Variants in DNAJB6 observed in about 807,000 individuals in gnomAD.
DNAJB6 encodes DnaJ heat shock protein family (Hsp40) member B6.
A neutral mutation model predicts 42.7 loss-of-function variants in DNAJB6; 16 were observed. That is an observed-to-expected ratio of 0.37 (90% confidence interval 0.25 to 0.57). The LOEUF (loss-of-function observed/expected upper bound fraction) is 0.57. DNAJB6 is among the 20% of genes least tolerant of loss of function. DNAJB6 has a pLI of 0.74. For synonymous variants in DNAJB6, 170 were observed against 163.5 expected (o/e 1.04, Z -0.30); for missense variants, 347 against 416.8 (o/e 0.83, Z 1.46).
chr7:157,382,739 A>G (rs2117078292), intron 6 of DNAJB6: 1 of 159,098 alleles, frequency 6.3e-6, no homozygotes, highest in South Asian at 1.8e-4. Flanking sequence ...TTAAAACAAA[A>G]GTGCACAAAT....
chr7:157,386,414 C>A, intron 8 of DNAJB6: 1 of 550,926 alleles, frequency 1.8e-6, no homozygotes, highest in Non-Finnish European at 2.3e-6. Context: ...GATGCCGCAC[C>A]TCAGTTACAT....
At chr7:157,370,104 C>T (rs1407116637) in intron 5 of DNAJB6, among the ~76,000 whole-genome samples, 1 of 148,264 alleles carries the variant, frequency 6.7e-6, no homozygotes, top group Non-Finnish European at 1.5e-5. Context: ...ATTAAACAGG[C>T]CCCTTCTTAA....
rs914766726 is a variant in DNAJB6 at position 157,337,133 on chromosome 7, C to G, written c.-38C>G. 27 of 152,710 alleles carry G rather than the reference C, an allele frequency of 1.8e-4. No homozygotes were observed. The highest frequency in any genetic ancestry group is 6.0e-4 in the African/African-American group (25 of 41,588). The allele number at this position is 152,710 out of a possible 1,614,324, so 9.5% of individuals were successfully genotyped here. On this transcript the variant is annotated 5_prime_UTR_variant, in exon 1 of 10. Coordinates refer to ENST00000262177, the MANE Select transcript of DNAJB6 (RefSeq NM_058246.4). Reference sequence around the variant, plus strand: ...CTCCCCTGCGTCCCGCCACCGGCCGCTTCTGTCCTCGGTGAGGGTCTGTTC... The same window carrying G: ...CTCCCCTGCGTCCCGCCACCGGCCGGTTCTGTCCTCGGTGAGGGTCTGTTC...
chr7:157,354,173 G>A (rs533322308), intron 1 of DNAJB6, among the ~76,000 whole-genome samples: 2 of 152,074 alleles, frequency 1.3e-5, no homozygotes, highest in Admixed American at 6.6e-5. Flanking sequence ...TTGAGATGGA[G>A]TTTTGTTCTT....
intron 5 of DNAJB6, among the ~76,000 whole-genome samples, chr7:157,368,427 G>T (rs1323894389): frequency 6.6e-6 from 1 of 152,182 alleles, no homozygotes; most frequent in Non-Finnish European, 1.5e-5. Flanking sequence ...TGTGTGTGAG[G>T]ACTGTTGTTG....
intron 9 of DNAJB6, chr7:157,412,567 T>TC (rs931911875): frequency 6.6e-6 from 1 of 152,224 alleles, no homozygotes; most frequent in African/African-American, 2.4e-5. Flanking sequence ...GGTCTCGCTT[T>TC]CCCCGAAGCC....
intron 5 of DNAJB6, among the ~76,000 whole-genome samples, chr7:157,376,304 TTAGA>T (rs1225501153): frequency 1.3e-5 from 2 of 152,236 alleles, no homozygotes; most frequent in African/African-American, 2.4e-5. Context: ...TGACTGTTCT[TTAGA>T]TAGTCAGTTT....
chr7:157,344,684 G>A (rs1584876295), intron 1 of DNAJB6, among the ~76,000 whole-genome samples: 1 of 152,090 alleles, frequency 6.6e-6, no homozygotes, highest in African/African-American at 2.4e-5. Flanking sequence ...GTGCGTTCAC[G>A]TCTCACTAGC....
In DNAJB6 at chr7:157,367,390, A is replaced by G. The variant is rs1554458350; in HGVS notation, c.253A>G (p.Ser85Gly). 6.2e-7 allele frequency: 1 copy of G among 1,611,424 alleles called. No individual in the cohort carries two copies. Among genetic ancestry groups the G allele is most frequent in the Non-Finnish European group, 8.5e-7 (1 of 1,177,490 alleles). The change falls in exon 5 of 10, where the codon AGT (serine) becomes GGT (glycine). Residue 85 changes from serine to glycine, a missense_variant. Physicochemically the swap from Ser to Gly is moderately conservative, Grantham distance 56 (BLOSUM62 0). This residue lies in a region of DNAJB6 where 78 missense variants were observed against 102.1 expected (regional missense o/e 0.76). Transcript: ENST00000262177. ...TTGTGCAGGTGGAAGTCATTTTGAC[A>G]GTCCATTTGAATTTGGCTTCACATT... ...GGGGGGSHFD[S>G]PFEFGFTFRN...
intron 1 of DNAJB6, among the ~76,000 whole-genome samples, chr7:157,352,047 A>G (rs1175807680): frequency 1.3e-5 from 2 of 151,666 alleles, no homozygotes; most frequent in African/African-American, 2.4e-5. Flanking sequence ...AATTTAAAAT[A>G]TTTACTCCAA....
At chr7:157,373,883 AAAAACAT>A (rs1800341277) in intron 5 of DNAJB6, among the ~76,000 whole-genome samples, 1 of 152,160 alleles carries the variant, frequency 6.6e-6, no homozygotes, top group Non-Finnish European at 1.5e-5. Context: ...AAATACACAT[AAAAACAT>A]CACATACTAA....
intron 2 of DNAJB6, among the ~76,000 whole-genome samples, chr7:157,362,408 CTTG>C (rs1563122337): frequency 6.6e-6 from 1 of 152,092 alleles, no homozygotes; most frequent in Non-Finnish European, 1.5e-5. Context: ...GAGTTTCGCT[CTTG>C]TTGCCCAGGC....
intron 8 of DNAJB6, among the ~76,000 whole-genome samples, chr7:157,398,920 A>G (rs551543088): frequency 6.6e-6 from 1 of 152,350 alleles, no homozygotes; most frequent in South Asian, 2.1e-4. Context: ...TTGTTTAAAC[A>G]ATTAGTGGTA....
chr7:157,369,821 TA>T, intron 5 of DNAJB6, among the ~76,000 whole-genome samples: 1 of 150,638 alleles, frequency 6.6e-6, no homozygotes, highest in Non-Finnish European at 1.5e-5. Context: ...ACATCATTAT[TA>T]AACAGGCCTT....
chr7:157,347,855 G>C (rs904981109), intron 1 of DNAJB6, among the ~76,000 whole-genome samples: 1 of 152,166 alleles, frequency 6.6e-6, no homozygotes, highest in African/African-American at 2.4e-5. Flanking sequence ...GAGTGCAGTG[G>C]TGTGATCTTG....
At chr7:157,372,516 A>G (rs1224625314) in intron 5 of DNAJB6, among the ~76,000 whole-genome samples, 3 of 152,214 alleles carry the variant, frequency 2.0e-5, no homozygotes, top group African/African-American at 7.2e-5. Flanking sequence ...AGTGGGACTG[A>G]CTTAAAACAG....
At chr7:157,394,231 A>G (rs1459523374) in intron 8 of DNAJB6, among the ~76,000 whole-genome samples, 1 of 152,250 alleles carries the variant, frequency 6.6e-6, no homozygotes, top group Non-Finnish European at 1.5e-5. Flanking sequence ...TTTTCATTCA[A>G]AAATAACCCA....
At chr7:157,389,666 C>G (rs565924324) in intron 8 of DNAJB6, among the ~76,000 whole-genome samples, 1 of 152,202 alleles carries the variant, frequency 6.6e-6, no homozygotes, top group South Asian at 2.1e-4. Context: ...TGGGGTAGAC[C>G]GAAGTCTGTC....
intron 8 of DNAJB6, among the ~76,000 whole-genome samples, chr7:157,392,966 A>T (rs1801417963): frequency 6.6e-6 from 1 of 151,750 alleles, no homozygotes; most frequent in Non-Finnish European, 1.5e-5. Flanking sequence ...TGGTATTCTG[A>T]TTTTATTATA....
Sources: allele counts gnomAD v4.1 joint callset (sites outside exome capture counted in the v4.1 genomes callset), GRCh38; gene constraint gnomAD v4.1.1; regional missense constraint gnomAD v4.1.1; transcripts MANE v1.5; gene names NCBI Gene and HGNC (gene_info 2026-07-23, HGNC 2026-07-21).